GNA14: variants seen among roughly 807,000 people sequenced by gnomAD.
GNA14 encodes the protein G protein subunit alpha 14, also known as guanine nucleotide-binding protein subunit alpha-14.
A neutral mutation model predicts 42.0 loss-of-function variants in GNA14; 50 were observed. The observed-to-expected ratio is 1.19, with a 90% CI of 0.95 to 1.51. The LOEUF (loss-of-function observed/expected upper bound fraction) is 1.51, where lower values mean the gene tolerates loss of function less well. Ranked by LOEUF, GNA14 falls within the 40% of genes most tolerant of loss-of-function variation. The pLI, the probability that GNA14 is intolerant of heterozygous loss-of-function variation, is 0.00. For synonymous variants in GNA14, 173 were observed against 163.1 expected, an observed-to-expected ratio of 1.06 and a Z score of -0.46; for missense variants, 473 against 446.2, an observed-to-expected ratio of 1.06 and a Z score of -0.54.
At chr9:77,600,788 G>A (rs540344490) in intron 1 of GNA14, among the ~76,000 whole-genome samples, 8 of 152,148 alleles carry the variant, frequency 5.3e-5, no homozygotes, top group Non-Finnish European at 7.4e-5. Flanking sequence ...GCATGGTGGC[G>A]TGTGCTTGTA....
intron 1 of GNA14, among the ~76,000 whole-genome samples, chr9:77,549,900 C>A (rs1196345395): frequency 6.6e-6 from 1 of 152,142 alleles, no homozygotes; most frequent in Non-Finnish European, 1.5e-5. Context: ...ATTTTCTCCA[C>A]CCAAATGATC....
chr9:77,605,361 C>T (rs1241622990), intron 1 of GNA14, among the ~76,000 whole-genome samples: 1 of 152,166 alleles, frequency 6.6e-6, no homozygotes, highest in Non-Finnish European at 1.5e-5. Flanking sequence ...CCCAGCCACC[C>T]CGGTGATGGG....
chr9:77,615,867 GT>G (rs58878600), intron 1 of GNA14, among the ~76,000 whole-genome samples: 16,818 of 144,824 alleles, frequency 0.12, 2,358 homozygotes, highest in African/African-American at 0.35. Flanking sequence ...GTTTTTTGGG[GT>G]TTTTTTTTTG....
intron 1 of GNA14, among the ~76,000 whole-genome samples, chr9:77,617,677 A>G (rs1038768616): frequency 1.3e-5 from 2 of 151,926 alleles, no homozygotes; most frequent in African/African-American, 4.8e-5. Context: ...ATTAAAATCC[A>G]AACTCCTACT....
At chr9:77,580,359 C>G (rs557916662) in intron 1 of GNA14, 22 of 337,960 alleles carry the variant, frequency 6.5e-5, no homozygotes, top group South Asian at 1.9e-4. Flanking sequence ...CGCGTCATGC[C>G]TTAGGTGGGA....
intron 1 of GNA14, among the ~76,000 whole-genome samples, chr9:77,636,080 A>C (rs2118019341): frequency 6.6e-6 from 1 of 152,312 alleles, no homozygotes; most frequent in Middle Eastern, 3.4e-3. Context: ...TTACCACTAA[A>C]TGGATTAGAA....
chr9:77,541,440 A>C (rs1837660501), intron 1 of GNA14, among the ~76,000 whole-genome samples: 1 of 152,098 alleles, frequency 6.6e-6, no homozygotes, highest in Admixed American at 6.5e-5. Flanking sequence ...GGTGACTATA[A>C]ACTTTTCTTG....
intron 1 of GNA14, among the ~76,000 whole-genome samples, chr9:77,599,399 G>C (rs1587843376): frequency 6.6e-6 from 1 of 152,320 alleles, no homozygotes; most frequent in East Asian, 1.9e-4. Context: ...CCCTCTGCTG[G>C]GATTCTGAGC....
chr9:77,615,761 A>T (rs1823803110), intron 1 of GNA14, among the ~76,000 whole-genome samples: 1 of 151,372 alleles, frequency 6.6e-6, no homozygotes, highest in Admixed American at 6.6e-5. Context: ...ACGTTTAAAT[A>T]ATCAGTGAAG....
At chr9:77,617,009 A>G (rs1173191486) in intron 1 of GNA14, among the ~76,000 whole-genome samples, 6 of 151,986 alleles carry the variant, frequency 3.9e-5, no homozygotes, top group Admixed American at 3.9e-4. Flanking sequence ...CGCTGGGACT[A>G]CAGGCACCCA....
intron 1 of GNA14, among the ~76,000 whole-genome samples, chr9:77,547,265 G>A (rs1837731571): frequency 6.6e-6 from 1 of 152,186 alleles, no homozygotes; most frequent in Admixed American, 6.5e-5. Context: ...AATGCAATCT[G>A]TAGATGAGAT....
intron 2 of GNA14, among the ~76,000 whole-genome samples, chr9:77,463,367 G>T (rs1218252164): frequency 1.3e-5 from 2 of 152,098 alleles, no homozygotes; most frequent in Non-Finnish European, 2.9e-5. Flanking sequence ...CTCATAAAAA[G>T]CTTGGAATCA....
chr9:77,430,579 A>C (rs1460182555), intron 4 of GNA14, among the ~76,000 whole-genome samples: 1 of 152,172 alleles, frequency 6.6e-6, no homozygotes, highest in Admixed American at 6.5e-5. Context: ...GCAATTCTGG[A>C]GAGAGAAGCA....
intron 1 of GNA14, among the ~76,000 whole-genome samples, chr9:77,635,946 G>A (rs75482242): frequency 0.02 from 3,010 of 152,188 alleles, 49 homozygotes; most frequent in African/African-American, 0.046. Flanking sequence ...TCCATCAGTT[G>A]TATTTCATAA....
chr9:77,645,495 A>C (rs1011913585), intron 1 of GNA14, among the ~76,000 whole-genome samples: 10 of 152,176 alleles, frequency 6.6e-5, no homozygotes, highest in Admixed American at 6.5e-4. Flanking sequence ...TTTTCACAGG[A>C]AAGTTTTCAC....
intron 2 of GNA14, among the ~76,000 whole-genome samples, chr9:77,527,526 G>A (rs139178863): frequency 3.3e-5 from 5 of 152,298 alleles, no homozygotes; most frequent in East Asian, 1.9e-4. Context: ...TATTGTTAGC[G>A]TTAGTGTGTT....
At chr9:77,433,071 A>C (rs1314318178) in intron 3 of GNA14, among the ~76,000 whole-genome samples, 1 of 152,222 alleles carries the variant, frequency 6.6e-6, no homozygotes, top group African/African-American at 2.4e-5. Flanking sequence ...TTCAATTCTC[A>C]GCCCGGGATA....
chr9:77,470,314 A>G (rs1836309208), intron 2 of GNA14, among the ~76,000 whole-genome samples: 1 of 152,176 alleles, frequency 6.6e-6, no homozygotes, highest in South Asian at 2.1e-4. Context: ...TGCTTTGGAG[A>G]GTATCTCCAA....
chr9:77,454,959 T>C (rs1835974433), intron 2 of GNA14, among the ~76,000 whole-genome samples: 1 of 152,248 alleles, frequency 6.6e-6, no homozygotes, highest in Non-Finnish European at 1.5e-5. Flanking sequence ...ATTAGTTTTC[T>C]ATTGCTGTGT....
Sources: gnomAD v4.1 joint callset for allele counts (sites outside exome capture counted in the v4.1 genomes callset) on GRCh38, gnomAD v4.1.1 for gene constraint, MANE v1.5 for transcripts, NCBI Gene and HGNC (gene_info 2026-07-23, HGNC 2026-07-21) for gene names.